The following PTPRK variants were observed in gnomAD, a reference collection of about 807,000 sequenced individuals.
PTPRK encodes protein tyrosine phosphatase receptor type K, also known as receptor-type tyrosine-protein phosphatase kappa.
Under a neutral mutation model 178.0 loss-of-function variants are expected in PTPRK, and 75 were observed. The ratio of observed to expected loss-of-function variants is 0.42; its 90% CI spans 0.35 to 0.51. The LOEUF (loss-of-function observed/expected upper bound fraction) is 0.51, where lower values mean the gene tolerates loss of function less well. Ranked by LOEUF, PTPRK falls within the 20% of genes least tolerant of loss-of-function variation. The pLI is 0.02. For missense variants in PTPRK, 1,441 were observed against 1,797.8 expected (o/e 0.80, Z 3.59); for synonymous variants, 637 against 620.6 (o/e 1.03, Z -0.39).
At chr6:128,310,632 A>G (rs1441562154) in intron 3 of PTPRK, among the ~76,000 whole-genome samples, 2 of 152,182 alleles carry the variant, frequency 1.3e-5, no homozygotes, top group Non-Finnish European at 2.9e-5. Flanking sequence ...CAATTCTCAG[A>G]GGCAAGTGGC....
At chr6:128,393,874 C>T (rs1839947647) in intron 2 of PTPRK, among the ~76,000 whole-genome samples, 1 of 152,010 alleles carries the variant, frequency 6.6e-6, no homozygotes, top group South Asian at 2.1e-4. Context: ...GAAAAGTACA[C>T]AACTCATCAT....
At chr6:128,143,107 G>A (rs1796011151) in intron 7 of PTPRK, among the ~76,000 whole-genome samples, 1 of 151,940 alleles carries the variant, frequency 6.6e-6, no homozygotes, top group African/African-American at 2.4e-5. Flanking sequence ...CTATAATGTA[G>A]ATCTCTCCAT....
At chr6:128,179,310 A>G (rs931783233) in intron 7 of PTPRK, among the ~76,000 whole-genome samples, 4 of 152,006 alleles carry the variant, frequency 2.6e-5, no homozygotes, top group Non-Finnish European at 5.9e-5. Flanking sequence ...TTCTGAATAA[A>G]TATTTTTCAA....
intron 2 of PTPRK, among the ~76,000 whole-genome samples, chr6:128,345,420 C>G (rs942401440): frequency 2.6e-5 from 4 of 152,118 alleles, no homozygotes; most frequent in African/African-American, 9.7e-5. Flanking sequence ...TTTAATTATT[C>G]TGAGTATGTT....
At chr6:128,090,553 G>A (rs928084346) in intron 7 of PTPRK, among the ~76,000 whole-genome samples, 1 of 152,012 alleles carries the variant, frequency 6.6e-6, no homozygotes, top group Non-Finnish European at 1.5e-5. Context: ...AAGAACATAT[G>A]TAGATATTCA....
intron 7 of PTPRK, among the ~76,000 whole-genome samples, chr6:128,127,827 A>G (rs1793626935): frequency 1.3e-5 from 2 of 152,238 alleles, no homozygotes; most frequent in Non-Finnish European, 2.9e-5. Context: ...AAGCATGGTA[A>G]GCAGCAGTTA....
intron 1 of PTPRK, among the ~76,000 whole-genome samples, chr6:128,440,299 C>T (rs1306950968): frequency 1.3e-5 from 2 of 152,156 alleles, no homozygotes; most frequent in African/African-American, 4.8e-5. Flanking sequence ...AAACTGTCTT[C>T]ATGGTAGGTT....
At chr6:128,415,337 A>G (rs941498976) in intron 1 of PTPRK, among the ~76,000 whole-genome samples, 1 of 152,224 alleles carries the variant, frequency 6.6e-6, no homozygotes, top group Non-Finnish European at 1.5e-5. Flanking sequence ...ATGAGGAATC[A>G]TATAAAAATT....
intron 7 of PTPRK, among the ~76,000 whole-genome samples, chr6:128,153,051 A>C (rs1222243074): frequency 6.6e-6 from 1 of 152,010 alleles, no homozygotes; most frequent in Non-Finnish European, 1.5e-5. Context: ...ACAACTGAGA[A>C]CCATGAGGAA....
intron 1 of PTPRK, among the ~76,000 whole-genome samples, chr6:128,517,701 C>A (rs1438159312): frequency 6.6e-6 from 1 of 152,186 alleles, no homozygotes; most frequent in African/African-American, 2.4e-5. Flanking sequence ...AAAGTCCCAA[C>A]AATGCTCAGC....
chr6:128,054,321 C>A (rs141149448), intron 13 of PTPRK, among the ~76,000 whole-genome samples: 2,458 of 152,278 alleles, frequency 0.016, 31 homozygotes, highest in Non-Finnish European at 0.024. Context: ...CCATAAAATT[C>A]TTCTCTTAGC....
At chr6:128,248,999 T>C (rs996916697) in intron 3 of PTPRK, among the ~76,000 whole-genome samples, 3 of 152,176 alleles carry the variant, frequency 2.0e-5, no homozygotes, top group African/African-American at 7.2e-5. Context: ...ACAGGCTCTC[T>C]CTGCCTTTTT....
chr6:128,026,005 C>T (rs1774224702), intron 13 of PTPRK, among the ~76,000 whole-genome samples: 1 of 152,072 alleles, frequency 6.6e-6, no homozygotes, highest in South Asian at 2.1e-4. Flanking sequence ...CATTATTCAG[C>T]CTACTAAAAT....
At chr6:128,038,849 G>A (rs1776676939) in intron 13 of PTPRK, among the ~76,000 whole-genome samples, 1 of 151,894 alleles carries the variant, frequency 6.6e-6, no homozygotes, top group Non-Finnish European at 1.5e-5. Context: ...CATTCTTCAT[G>A]CAACAATTTT....
chr6:128,138,684 T>G (rs890916814), intron 7 of PTPRK, among the ~76,000 whole-genome samples: 13 of 152,120 alleles, frequency 8.5e-5, no homozygotes, highest in African/African-American at 3.1e-4. Flanking sequence ...TTTCACTTTT[T>G]TATACAAAAA....
At chr6:128,476,835 T>A (rs1851432270) in intron 1 of PTPRK, among the ~76,000 whole-genome samples, 1 of 151,832 alleles carries the variant, frequency 6.6e-6, no homozygotes, top group South Asian at 2.1e-4. Context: ...GATATTAAGG[T>A]CTAGATGATG....
intron 1 of PTPRK, among the ~76,000 whole-genome samples, chr6:128,478,766 A>G (rs1424287099): frequency 1.3e-5 from 2 of 152,162 alleles, no homozygotes; most frequent in Admixed American, 1.3e-4. Flanking sequence ...TGGTAAGACA[A>G]TATTAAAGTT....
intron 6 of PTPRK, among the ~76,000 whole-genome samples, chr6:128,208,298 C>CAAAAA (rs3058186): frequency 0.019 from 2,043 of 104,952 alleles, 26 homozygotes; most frequent in African/African-American, 0.043. Flanking sequence ...CCTACACCCT[C>CAAAAA]AAAAAAAAAA....
At chr6:128,057,378 T>C (rs185914394) in intron 13 of PTPRK, among the ~76,000 whole-genome samples, 1 of 152,308 alleles carries the variant, frequency 6.6e-6, no homozygotes, top group East Asian at 1.9e-4. Flanking sequence ...TTTCCCATCA[T>C]TCCCTGAGAA....
Sources: gnomAD v4.1 joint callset for allele counts (sites outside exome capture counted in the v4.1 genomes callset) on GRCh38, gnomAD v4.1.1 for gene constraint, MANE v1.5 for transcripts, NCBI Gene and HGNC (gene_info 2026-07-23, HGNC 2026-07-21) for gene names.